Variants in SPACA6 observed in about 807,000 individuals in gnomAD.
SPACA6 encodes sperm acrosome associated 6.
For missense variants in SPACA6, 8 were observed against 2.8 expected (o/e 2.88, Z -1.34); for synonymous variants, 6 against 1.5 (o/e 4.05, Z -2.21).
chr19:51,689,491 G>A (rs1192023172), upstream of SPACA6: 1 of 152,166 alleles, frequency 6.6e-6, no homozygotes. Flanking sequence ...GCGGGGAGAG[G>A]ATGGAGAGCG....
chr19:51,693,535 G>A lies in SPACA6; in HGVS notation c.9G>A (p.Leu3=), dbSNP rs1399919253. 2 of 482,140 alleles carry A rather than the reference G, an allele frequency of 4.1e-6. No individual in the cohort carries two copies. The highest frequency in any genetic ancestry group is 7.6e-6 in the Non-Finnish European group (2 of 263,132). 29.9% of individuals were successfully genotyped at this position (482,140 alleles called of 1,614,324 possible). ...GCCTTGAGACCCACACGATGGCCCT[G>A]CTGGCTCTGGCCAGTGCCGTCCCGT... is the stretch of plus-strand genomic sequence containing the variant. MA[L]LALASAVPSA... The change falls in exon 1 of 9, where the codon CTG becomes CTA. Residue 3 remains leucine (L), a synonymous_variant. Transcript: ENST00000637797.
Position 51,703,090 on chromosome 19 carries a change from A to G in SPACA6, c.455A>G (p.Asp152Gly). The G allele has an allele frequency of 2.5e-6, 1 of 399,484 alleles. No individual in the cohort carries two copies. Among genetic ancestry groups the G allele is most frequent in the Non-Finnish European group, 4.4e-6 (1 of 226,358 alleles). The allele number at this position is 399,484 out of a possible 1,614,324, so 24.7% of individuals were successfully genotyped here. Residue 152 changes from aspartate (D) to glycine (G), a missense_variant, in exon 5 of 9, where the codon GAC (aspartate) becomes GGC (glycine). Asp to Gly is a moderately conservative substitution (Grantham distance 94, BLOSUM62 -1). Coordinates refer to ENST00000637797, the MANE Select transcript of SPACA6 (RefSeq NM_001316972.2). The surrounding 1 kb of genome is among the most constrained non-coding windows in gnomAD (Gnocchi z 4.2). Reference protein sequence around the residue: ...CYSRVCDLPLDCPVQDVTVTR... With the variant: ...CYSRVCDLPLGCPVQDVTVTR... ...TCTAGGGTCTGCGACCTCCCGCTGG[A>G]CTGCCCAGGTGAGGGGGCGGGGCCT...
At chr19:51,692,463 T>C (rs2083382168), upstream of SPACA6, 2 of 375,798 alleles carry the variant, frequency 5.3e-6, no homozygotes, top group Non-Finnish European at 1.0e-5. This position sits in a 1 kb window ranked among gnomAD's most constrained non-coding sequence, Gnocchi z 5.6. Flanking sequence ...CCTGGGTCTG[T>C]GGTGAGGAAG....
chr19:51,702,289 C>G (rs1176415249), intron 3 of SPACA6, among the ~76,000 whole-genome samples: 1 of 152,142 alleles, frequency 6.6e-6, no homozygotes, highest in Non-Finnish European at 1.5e-5. Context: ...TAGCCTTGGT[C>G]TCCTGCAAGG....
chr19:51,697,706 T>C (rs992815164), intron 2 of SPACA6, among the ~76,000 whole-genome samples: 1 of 152,150 alleles, frequency 6.6e-6, no homozygotes. Flanking sequence ...TGACTGCCTC[T>C]TGGTGATCCC....
the SPACA6 span, among the ~76,000 whole-genome samples, chr19:51,683,433 G>T: frequency 6.6e-6 from 1 of 152,028 alleles, no homozygotes; most frequent in African/African-American, 2.4e-5. Context: ...ATTTGGTGGG[G>T]TGGGGACACA....
At chr19:51,713,060 C>T (rs1422203419), downstream of SPACA6, 1 of 203,156 alleles carries the variant, frequency 4.9e-6, no homozygotes, top group Non-Finnish European at 9.8e-6. The surrounding 1 kb of genome is among the most constrained non-coding windows in gnomAD (Gnocchi z 4.5). Flanking sequence ...CCCAGCGTCC[C>T]CAATTCTCAA....
At chr19:51,711,547 C>G (rs1269511694) in intron 2 of SPACA6, among the ~76,000 whole-genome samples, 1 of 152,068 alleles carries the variant, frequency 6.6e-6, no homozygotes, top group Non-Finnish European at 1.5e-5. Context: ...AGTATATACC[C>G]AAGAAAATTA....
chr19:51,693,616 C>T lies in SPACA6; in HGVS notation c.90C>T (p.Cys30=), dbSNP rs1043454258. ...TGCCCGCCTGGGCCTGTCTCCTCTG[C>T]TTCACAACCTACTCTGAGCGCCTCC... The part of the protein sequence containing the change: ...FRVPAWACLL[C]FTTYSERLRI... Residue 30 remains cysteine, a synonymous_variant, in exon 1 of 9, where the codon TGC becomes TGT. Coordinates refer to ENST00000637797, the MANE Select transcript of SPACA6 (RefSeq NM_001316972.2). 3 of 429,170 alleles carry T rather than the reference C, an allele frequency of 7.0e-6. No homozygotes were observed. Among genetic ancestry groups the T allele is most frequent in the East Asian group, 3.3e-5 (1 of 30,250 alleles). 26.6% of individuals were successfully genotyped at this position (429,170 alleles called of 1,614,324 possible).
upstream of SPACA6, among the ~76,000 whole-genome samples, chr19:51,691,018 G>C (rs2083366254): frequency 0.042 from 2 of 48 alleles, no homozygotes. Flanking sequence ...AGGGGGAAGA[G>C]AGCTGGCCGT....
At chr19:51,707,670 T>C (rs533802006), downstream of SPACA6, among the ~76,000 whole-genome samples, 1 of 152,262 alleles carries the variant, frequency 6.6e-6, no homozygotes, top group Admixed American at 6.5e-5. Context: ...AACCCAGGGT[T>C]AGCGTCGCAC....
At position 51,704,088 on chromosome 19, in the gene SPACA6, C is replaced by T. The variant is rs2083492946; in HGVS notation, c.632C>T (p.Ala211Val). The T allele has an allele frequency of 7.5e-6, 3 of 401,110 alleles. No individual in the cohort carries two copies. Among genetic ancestry groups the T allele is most frequent in the South Asian group, 2.5e-4 (2 of 7,962 alleles). 24.8% of individuals were successfully genotyped at this position (401,110 alleles called of 1,614,324 possible). A position where few individuals can be genotyped will look rare whatever the true frequency, so the allele number is the denominator to read the frequency against. ...RDMPRAEGYL[A>V]RIRPAQLTHR... is the part of the protein sequence containing the mutation. ...ATGCCGCGGGCCGAAGGATACCTGG[C>T]GCGGATCCGGCCGGCTCAGCTCACG... The change falls in exon 7 of 9, where the codon GCG becomes GTG. Residue 211 changes from alanine to valine, a missense_variant. Transcript: ENST00000637797.
rs145757970 is a variant in SPACA6, at chr19:51,697,102, C to G, written c.292+2547C>G. Reference sequence around the variant, plus strand: ...AGGGCCCAGACATGGACGTTTCTGTCAAGATCCCAGGGAATGCTGATGCTG... The same window carrying G: ...AGGGCCCAGACATGGACGTTTCTGTGAAGATCCCAGGGAATGCTGATGCTG... On this transcript the variant is annotated intron_variant, in intron 2 of 8. Transcript: ENST00000637797. Among the ~76,000 whole-genome samples the G allele has an allele frequency of 8.9e-3, 1,362 of 152,260 alleles. 14 individuals carry two copies. The highest frequency in any genetic ancestry group is 0.031 in the African/African-American group (1,272 of 41,534).
intron 2 of SPACA6, among the ~76,000 whole-genome samples, chr19:51,695,892 G>A (rs1254694653): frequency 6.6e-6 from 1 of 152,206 alleles, no homozygotes; most frequent in African/African-American, 2.4e-5. Flanking sequence ...GTTTTGGGAA[G>A]CATAGAGAAC....
chr19:51,710,239 C>G (rs1415115992), downstream of SPACA6, among the ~76,000 whole-genome samples: 5 of 152,204 alleles, frequency 3.3e-5, no homozygotes, highest in Non-Finnish European at 7.3e-5. Context: ...ACTAAGAGCT[C>G]CTTGAAGGCA....
At chr19:51,712,528 G>A (rs1182895462), downstream of SPACA6, 3 of 151,474 alleles carry the variant, frequency 2.0e-5, no homozygotes, top group Non-Finnish European at 4.4e-5. Context: ...AGAACTGACG[G>A]AGGATCAGGT....
At chr19:51,695,587 C>T (rs1002080428) in intron 2 of SPACA6, among the ~76,000 whole-genome samples, 1 of 152,226 alleles carries the variant, frequency 6.6e-6, no homozygotes, top group African/African-American at 2.4e-5. Flanking sequence ...TGGCTCTCCC[C>T]ATCTCCACCC....
chr19:51,707,489 TGA>T (rs1157709337), downstream of SPACA6, among the ~76,000 whole-genome samples: 1 of 152,074 alleles, frequency 6.6e-6, no homozygotes, highest in African/African-American at 2.4e-5. Flanking sequence ...CCCAGAGTGC[TGA>T]GATTATAGGC....
chr19:51,705,174 A>C lies in SPACA6; in HGVS notation c.*51A>C, dbSNP rs1161607183. On this transcript the variant is annotated 3_prime_UTR_variant, in exon 9 of 9. Coordinates refer to ENST00000637797, the MANE Select transcript of SPACA6 (RefSeq NM_001316972.2). ...TCCTATTTCCATCCTGAAAATAAAG[A>C]ATATATTTCAACTCTAGATTGTTTC... 2.5e-6 allele frequency: 1 copy of C among 401,110 alleles called. No homozygotes were observed. The highest frequency in any genetic ancestry group is 2.1e-5 in the African/African-American group (1 of 48,700). The allele number at this position is 401,110 out of a possible 1,614,324, so 24.8% of individuals were successfully genotyped here.
Sources: gnomAD v4.1 joint callset for allele counts (sites outside exome capture counted in the v4.1 genomes callset) on GRCh38, gnomAD v4.1.1 for gene constraint, Gnocchi (gnomAD v3.1) non-coding constraint, MANE v1.5 for transcripts, NCBI Gene and HGNC (gene_info 2026-07-23, HGNC 2026-07-21) for gene names.